The following DHRS7B variants were observed in gnomAD, a reference collection of about 807,000 sequenced individuals.
DHRS7B encodes the protein peroxisomal reductase activating PPAR-gamma.
A neutral mutation model predicts 26.4 loss-of-function variants in DHRS7B; 24 were observed. The ratio of observed to expected loss-of-function variants is 0.91; its 90% confidence interval spans 0.66 to 1.28. The LOEUF (loss-of-function observed/expected upper bound fraction) is 1.28, where lower values mean the gene tolerates loss of function less well. DHRS7B is among the 50% of genes most tolerant of loss of function. The probability of loss-of-function intolerance (pLI) is 0.00; values close to 1 mark genes in which losing one functional copy is unlikely to be tolerated. For missense variants in DHRS7B, 368 were observed against 419.4 expected (o/e 0.88, Z 1.07); for synonymous variants, 142 against 166.4 (o/e 0.85, Z 1.13).
At chr17:21,136,718 G>C (rs564677971) in intron 1 of DHRS7B, among the ~76,000 whole-genome samples, 1 of 151,824 alleles carries the variant, frequency 6.6e-6, no homozygotes, top group Non-Finnish European at 1.5e-5. Context: ...ACTATGCCCA[G>C]CTAATTTTTG....
intron 5 of DHRS7B, among the ~76,000 whole-genome samples, chr17:21,188,328 T>C (rs1974695761): frequency 1.3e-5 from 2 of 152,220 alleles, no homozygotes. Context: ...TATGTGTATA[T>C]AATTTATAAT....
chr17:21,143,295 T>C (rs1358068386), intron 1 of DHRS7B, among the ~76,000 whole-genome samples: 1 of 152,138 alleles, frequency 6.6e-6, no homozygotes, highest in Non-Finnish European at 1.5e-5. Flanking sequence ...ACTCCTGATC[T>C]CAAGTGATCT....
chr17:21,171,051 G>C (rs185826016), intron 1 of DHRS7B, among the ~76,000 whole-genome samples: 2,202 of 152,170 alleles, frequency 0.014, 26 homozygotes, highest in Non-Finnish European at 0.023. Flanking sequence ...GTGGACTCGG[G>C]GGGGGCCTTT....
intron 1 of DHRS7B, among the ~76,000 whole-genome samples, chr17:21,167,450 G>A (rs764415068): frequency 6.6e-6 from 1 of 152,152 alleles, no homozygotes; most frequent in Non-Finnish European, 1.5e-5. Flanking sequence ...CCTTCCTCAC[G>A]CCAGTTCGTG....
intron 6 of DHRS7B, among the ~76,000 whole-genome samples, chr17:21,190,133 T>A (rs964396781): frequency 7.3e-5 from 11 of 151,470 alleles, no homozygotes; most frequent in African/African-American, 2.7e-4. Context: ...GCCACTGCAC[T>A]CCAGCCTGGG....
chr17:21,167,481 G>C (rs1381344088), intron 1 of DHRS7B, among the ~76,000 whole-genome samples: 2 of 152,222 alleles, frequency 1.3e-5, no homozygotes, highest in Non-Finnish European at 2.9e-5. Flanking sequence ...GTGTGAGACT[G>C]TGTTTCAGGT....
intron 3 of DHRS7B, among the ~76,000 whole-genome samples, chr17:21,182,774 C>T (rs535860669): frequency 7.4e-4 from 113 of 152,276 alleles, no homozygotes; most frequent in African/African-American, 2.0e-3. Flanking sequence ...CCTTTTAATA[C>T]GCTGTTAAAT....
intron 1 of DHRS7B, among the ~76,000 whole-genome samples, chr17:21,132,233 G>A (rs1367399745): frequency 6.6e-6 from 1 of 151,884 alleles, no homozygotes; most frequent in Non-Finnish European, 1.5e-5. Flanking sequence ...AGGCCCAGTG[G>A]CTTACACCTA....
Position 21,191,326 on chromosome 17 carries a change from C to A in DHRS7B, c.*173C>A. 1 of 654,926 alleles carries A rather than the reference C, an allele frequency of 1.5e-6. No homozygotes were observed. Among genetic ancestry groups the A allele is most frequent in the East Asian group, 2.7e-5 (1 of 36,456 alleles). 40.6% of individuals were successfully genotyped at this position (654,926 alleles called of 1,614,324 possible). Reference sequence around the variant, plus strand: ...GGCAGAGGACAATCAAAAACGACAACAAGCTTCTTCCCAGGGTGAGGGGAA... The same window carrying A: ...GGCAGAGGACAATCAAAAACGACAAAAAGCTTCTTCCCAGGGTGAGGGGAA... On this transcript the variant is annotated 3_prime_UTR_variant, in exon 7 of 7. Transcript: ENST00000395511.
At chr17:21,164,075 C>T (rs1410461214) in intron 1 of DHRS7B, among the ~76,000 whole-genome samples, 2 of 125,318 alleles carry the variant, frequency 1.6e-5, no homozygotes, top group Non-Finnish European at 3.2e-5. Flanking sequence ...GTCTCCTAGG[C>T]TGGAGTGCAG....
chr17:21,190,796 G>C, intron 6 of DHRS7B, 152 bp from the exon 7 acceptor site: 1 of 738,258 alleles, frequency 1.4e-6, no homozygotes, highest in Non-Finnish European at 2.2e-6. Flanking sequence ...GGAATCATCA[G>C]GGATGGTGGC....
chr17:21,138,087 T>TAC (rs1567616066), intron 1 of DHRS7B, among the ~76,000 whole-genome samples: 9 of 62,950 alleles, frequency 1.4e-4, no homozygotes, highest in African/African-American at 5.3e-4. Flanking sequence ...TATATATATA[T>TAC]ATATATATAT....
intron 1 of DHRS7B, among the ~76,000 whole-genome samples, chr17:21,136,343 T>G (rs1189064841): frequency 6.7e-6 from 1 of 148,832 alleles, no homozygotes; most frequent in Non-Finnish European, 1.5e-5. Flanking sequence ...GGTGTCCTGT[T>G]TTAGATCCAG....
At chr17:21,160,810 C>T (rs28890261) in intron 1 of DHRS7B, among the ~76,000 whole-genome samples, 6,597 of 152,112 alleles carry the variant, frequency 0.043, 183 homozygotes, top group South Asian at 0.073. Context: ...GCCGAAACTT[C>T]GAAGCCACCA....
At chr17:21,151,583 CTCT>C (rs1973773256) in intron 1 of DHRS7B, among the ~76,000 whole-genome samples, 1 of 151,238 alleles carries the variant, frequency 6.6e-6, no homozygotes, top group South Asian at 2.1e-4. Flanking sequence ...GAAAAATCAA[CTCT>C]TCTTTGATAC....
At chr17:21,168,382 C>G (rs1398140668) in intron 1 of DHRS7B, among the ~76,000 whole-genome samples, 1 of 152,006 alleles carries the variant, frequency 6.6e-6, no homozygotes, top group Non-Finnish European at 1.5e-5. Flanking sequence ...TTTTTGTTTG[C>G]TTTTGAGACA....
At chr17:21,145,756 G>A (rs1973629978) in intron 1 of DHRS7B, among the ~76,000 whole-genome samples, 1 of 152,160 alleles carries the variant, frequency 6.6e-6, no homozygotes, top group African/African-American at 2.4e-5. Context: ...TTATAAAATA[G>A]GTTTATCTGA....
chr17:21,172,186 G>A lies in DHRS7B; in HGVS notation c.189G>A (p.Gly63=), dbSNP rs369771433. The A allele has an allele frequency of 9.3e-6, 15 of 1,611,730 alleles. No homozygotes were observed. The highest frequency in any genetic ancestry group is 3.4e-4 in the Middle Eastern group (2 of 5,960). The change falls in exon 2 of 7, where the codon GGG becomes GGA. Residue 63 remains glycine (G), a synonymous_variant. Transcript: ENST00000395511. Reference sequence around the variant, plus strand: ...TGGTGATCACAGGCGCCACCTCAGGGCTGGGCAAAGGTGGGTCCTGGAGGC... The same window carrying A: ...TGGTGATCACAGGCGCCACCTCAGGACTGGGCAAAGGTGGGTCCTGGAGGC... ...AVVVITGATS[G]LGKECAKVFY...
rs9905390 is a variant in DHRS7B at position 21,141,640 on chromosome 17, A to G, written c.20+14649A>G. On this transcript the variant is annotated intron_variant, in intron 1 of 6. Coordinates refer to ENST00000395511, the MANE Select transcript of DHRS7B (RefSeq NM_015510.5). ...AAAGCAAAAAAAAAAAAAAAAAAAAACAACCTCATCTCAAACTCCACAAAG... is the reference window on the plus strand; with the variant it reads ...AAAGCAAAAAAAAAAAAAAAAAAAAGCAACCTCATCTCAAACTCCACAAAG... Among the ~76,000 whole-genome samples the G allele has an allele frequency of 3.5e-3, 318 of 89,996 alleles. 32 individuals are homozygous for G. The highest frequency in any genetic ancestry group is 0.012 in the Middle Eastern group (1 of 86). 59.0% of individuals were successfully genotyped at this position (89,996 alleles called of 152,430 possible).
Sources: allele counts gnomAD v4.1 joint callset (sites outside exome capture counted in the v4.1 genomes callset), GRCh38; gene constraint gnomAD v4.1.1; transcripts MANE v1.5; gene names NCBI Gene and HGNC (gene_info 2026-07-23, HGNC 2026-07-21).